Variants in NTNG2 observed in about 807,000 individuals in gnomAD.
NTNG2 encodes netrin-G2.
A neutral mutation model predicts 47.6 loss-of-function variants in NTNG2; 15 were observed. That is an observed-to-expected ratio of 0.32 (90% CI 0.21 to 0.49). The LOEUF (loss-of-function observed/expected upper bound fraction) is 0.49. Ranked by LOEUF, NTNG2 falls within the 20% of genes least tolerant of loss-of-function variation. The pLI is 0.99. For synonymous variants in NTNG2, 307 were observed against 324.6 expected (o/e 0.95, Z 0.58); for missense variants, 578 against 764.6 (o/e 0.76, Z 2.88).
At chr9:132,237,818 C>T (rs1030838206) in intron 5 of NTNG2, among the ~76,000 whole-genome samples, 5 of 152,196 alleles carry the variant, frequency 3.3e-5, no homozygotes, top group Non-Finnish European at 5.9e-5. Context: ...CCCTGGGGCT[C>T]GTGTTGGTTG....
At chr9:132,206,461 G>T (rs978223168) in intron 3 of NTNG2, among the ~76,000 whole-genome samples, 25 of 152,248 alleles carry the variant, frequency 1.6e-4, no homozygotes, top group Non-Finnish European at 3.2e-4. Flanking sequence ...GAGGTCAGGA[G>T]TTCAAGACCA....
chr9:132,186,826 C>T (rs549474863), intron 2 of NTNG2, among the ~76,000 whole-genome samples: 2 of 152,370 alleles, frequency 1.3e-5, no homozygotes, highest in South Asian at 2.1e-4. Context: ...AGAGGGTCCT[C>T]GCTCAGTTAG....
Position 132,221,138 on chromosome 9 carries a change from A to C in NTNG2, c.858-5711A>C, listed in dbSNP as rs1840323404. On this transcript the variant is annotated intron_variant, in intron 3 of 7. Transcript: ENST00000393229. The surrounding 1 kb of genome is among the most constrained non-coding windows in gnomAD (Gnocchi z 4.2). ...AGTGTAGCAGGGGCTGATTTGAGGTAGGGGTTGTGAAAGGCCTCCCCAAAG... is the reference window on the plus strand; with the variant it reads ...AGTGTAGCAGGGGCTGATTTGAGGTCGGGGTTGTGAAAGGCCTCCCCAAAG... 6.6e-6 allele frequency among the ~76,000 whole-genome samples: 1 copy of C among 152,156 alleles called. No homozygotes were observed. Among genetic ancestry groups the C allele is most frequent in the African/African-American group, 2.4e-5 (1 of 41,430 alleles).
chr9:132,174,205 C>T (rs76473820), intron 2 of NTNG2, among the ~76,000 whole-genome samples: 21 of 127,090 alleles, frequency 1.7e-4, no homozygotes, highest in South Asian at 2.7e-4. Flanking sequence ...GCAGATTAGA[C>T]GGACAGATGG....
rs905035765 is a variant in NTNG2, at chr9:132,215,567, G to A, written c.858-11282G>A. ...TGCACTCCGGTCTAGATGACAAAGC[G>A]AGATTCCATCTCAAAATAAGTAAAT... On this transcript the variant is annotated intron_variant, in intron 3 of 7. Transcript: ENST00000393229. This position sits in a 1 kb window ranked among gnomAD's most constrained non-coding sequence, Gnocchi z 4.2. Among the ~76,000 whole-genome samples, 6 of 152,110 alleles carry A rather than the reference G, an allele frequency of 3.9e-5. No homozygotes were observed. Among genetic ancestry groups the A allele is most frequent in the Non-Finnish European group, 5.9e-5 (4 of 68,020 alleles).
At chr9:132,196,481 C>T (rs773021516) in intron 2 of NTNG2, among the ~76,000 whole-genome samples, 9 of 152,244 alleles carry the variant, frequency 5.9e-5, no homozygotes, top group African/African-American at 9.6e-5. Context: ...TGTGAGCCAC[C>T]GCGCCCAGCC....
At position 132,215,080 on chromosome 9, in the gene NTNG2, G is replaced by T. The variant is rs868155381; in HGVS notation, c.858-11769G>T. 1.8e-3 allele frequency among the ~76,000 whole-genome samples: 65 copies of T among 36,632 alleles called. No individual in the cohort carries two copies. Among genetic ancestry groups the T allele is most frequent in the African/African-American group, 4.5e-3 (35 of 7,716 alleles). 24.0% of individuals were successfully genotyped at this position (36,632 alleles called of 152,430 possible). A position where few individuals can be genotyped will look rare whatever the true frequency, so the allele number is the denominator to read the frequency against. On this transcript the variant is annotated intron_variant, in intron 3 of 7. Coordinates refer to ENST00000393229, the MANE Select transcript of NTNG2 (RefSeq NM_032536.4). The surrounding 1 kb of genome is among the most constrained non-coding windows in gnomAD (Gnocchi z 4.2). ...TTTTTAATTTTTTTGTAGAGATTGG[G>T]GGGGGGGGTCTCACTTTCTTGCCCA... is the stretch of plus-strand genomic sequence containing the variant.
chr9:132,240,918 T>C lies in NTNG2; in HGVS notation c.1231T>C (p.Cys411Arg). Residue 411 changes from cysteine to arginine, a missense_variant, in exon 7 of 8, where the codon TGC (cysteine) becomes CGC (arginine). Physicochemically the swap from Cys to Arg is radical, Grantham distance 180. Transcript: ENST00000393229. ...TGCCCGTGTCCGTCCAGAGTGTAAC[T>C]GCAACCAGATAGGCTCCGTGCACGA... ...DDENVCIECN[C>R]NQIGSVHDRC... 6.2e-7 allele frequency: 1 copy of C among 1,612,854 alleles called. No homozygotes were observed. Among genetic ancestry groups the C allele is most frequent in the Non-Finnish European group, 8.5e-7 (1 of 1,179,832 alleles).
chr9:132,184,090 C>A (rs1245530858), intron 2 of NTNG2, among the ~76,000 whole-genome samples: 1 of 152,188 alleles, frequency 6.6e-6, no homozygotes, highest in East Asian at 1.9e-4. Flanking sequence ...TCGCACCCAC[C>A]CCCAACGACG....
chr9:132,238,973 C>T (rs956297088), intron 5 of NTNG2, 131 bp from the exon 6 acceptor site: 2 of 933,166 alleles, frequency 2.1e-6, no homozygotes, highest in Non-Finnish European at 3.4e-6. Flanking sequence ...CCTAGGGCAC[C>T]TTCCGGTACC....
At chr9:132,216,412 CTCTGTGTGTGTGTGTATGTG>C (rs1463306697) in intron 3 of NTNG2, among the ~76,000 whole-genome samples, 51 of 91,088 alleles carry the variant, frequency 5.6e-4, no homozygotes, top group South Asian at 2.9e-3. Flanking sequence ...CTCTCTCTCT[CTCTGTGTGTGTGTGTATGTG>C]TGTGTGTGTG....
intron 3 of NTNG2, among the ~76,000 whole-genome samples, chr9:132,201,710 T>C (rs1030850530): frequency 5.3e-5 from 8 of 152,222 alleles, no homozygotes; most frequent in African/African-American, 1.9e-4. Context: ...TATCGAGCAT[T>C]TGCTACGGGC....
chr9:132,217,999 C>T (rs553158474), intron 3 of NTNG2, among the ~76,000 whole-genome samples: 1 of 152,300 alleles, frequency 6.6e-6, no homozygotes, highest in East Asian at 1.9e-4. Context: ...TCCTCAGGGC[C>T]AGTGTCACTG....
At chr9:132,174,179 C>T (rs1475941607) in intron 2 of NTNG2, among the ~76,000 whole-genome samples, 1 of 147,042 alleles carries the variant, frequency 6.8e-6, no homozygotes, top group Non-Finnish European at 1.5e-5. Flanking sequence ...GACGGACAGG[C>T]AGGTCGAACC....
chr9:132,237,063 T>C (rs1025665917), intron 5 of NTNG2, among the ~76,000 whole-genome samples: 2 of 152,144 alleles, frequency 1.3e-5, no homozygotes, highest in African/African-American at 4.8e-5. Context: ...AAAAACAGTT[T>C]GGCTTCCAAG....
intron 5 of NTNG2, among the ~76,000 whole-genome samples, chr9:132,235,335 A>G (rs1248114669): frequency 6.6e-6 from 1 of 152,234 alleles, no homozygotes; most frequent in Admixed American, 6.5e-5. Context: ...TCTGTCCTTC[A>G]GTCAGAACGG....
chr9:132,177,278 C>T (rs1221179804), intron 2 of NTNG2, among the ~76,000 whole-genome samples: 3 of 152,234 alleles, frequency 2.0e-5, no homozygotes, highest in African/African-American at 7.2e-5. Context: ...TGAGCCACCA[C>T]GCCCAGCCTA....
intron 2 of NTNG2, among the ~76,000 whole-genome samples, chr9:132,174,213 TGGAC>T (rs139309074): frequency 0.014 from 1,704 of 125,190 alleles, 44 homozygotes; most frequent in African/African-American, 0.049. Context: ...GACGGACAGA[TGGAC>T]GGACGGACAG....
intron 3 of NTNG2, among the ~76,000 whole-genome samples, chr9:132,209,008 G>A (rs887867025): frequency 1.3e-5 from 2 of 152,192 alleles, no homozygotes; most frequent in Admixed American, 6.5e-5. Context: ...GGCCGCCTGC[G>A]TGGCTCGGGC....
Sources: allele counts gnomAD v4.1 joint callset (sites outside exome capture counted in the v4.1 genomes callset), GRCh38; gene constraint gnomAD v4.1.1; non-coding constraint Gnocchi (gnomAD v3.1); transcripts MANE v1.5; gene names NCBI Gene and HGNC (gene_info 2026-07-23, HGNC 2026-07-21).